KANK1: variants seen among roughly 807,000 people sequenced by gnomAD.
The protein encoded by KANK1 is KN motif and ankyrin repeat domains 1.
In KANK1, 109 loss-of-function variants were observed where a neutral mutation model predicts 106.2. That is an observed-to-expected ratio of 1.03 (90% confidence interval 0.88 to 1.20). KANK1 has a LOEUF of 1.20. Among genes scored for constraint, KANK1 ranks in the 50% most tolerant of loss-of-function variants. The pLI is 0.00. For missense variants in KANK1, 2,399 were observed against 1,710.7 expected, an observed-to-expected ratio of 1.40 and a Z score of -7.10; for synonymous variants, 873 against 652.2, an observed-to-expected ratio of 1.34 and a Z score of -5.16.
intron 1 of KANK1, among the ~76,000 whole-genome samples, chr9:576,909 C>G (rs1364210440): frequency 1.3e-5 from 2 of 152,142 alleles, no homozygotes; most frequent in African/African-American, 4.8e-5. Flanking sequence ...GTCTCACTGA[C>G]TTCAAGAATG....
Position 521,011 on chromosome 9 carries a change from CAG to C in KANK1, c.-84+16259_-84+16260del, listed in dbSNP as rs1297814115. On this transcript the variant is annotated intron_variant, in intron 1 of 11. Coordinates refer to ENST00000382297, the MANE Select transcript of KANK1 (RefSeq NM_015158.5). Reference sequence around the variant, plus strand: ...GAAGGGTAGAGATGGGGCCTTTTGACAGAAATAAAATTTATTAAGGCCTCATC... The same window carrying C: ...GAAGGGTAGAGATGGGGCCTTTTGACAAATAAAATTTATTAAGGCCTCATC... Among the ~76,000 whole-genome samples, 4 of 151,768 alleles carry C rather than the reference CAG, an allele frequency of 2.6e-5. No individual in the cohort carries two copies. The South Asian group carries it at 6.2e-4, about 24-fold the overall frequency.
chr9:662,186 CA>C (rs1377136029), intron 1 of KANK1, among the ~76,000 whole-genome samples: 1 of 152,076 alleles, frequency 6.6e-6, no homozygotes, highest in Non-Finnish European at 1.5e-5. Flanking sequence ...AGGACACAGA[CA>C]AATGGAAGAA....
At chr9:481,673 C>T (rs953482595) in intron 3 of KANK1, among the ~76,000 whole-genome samples, 2 of 152,176 alleles carry the variant, frequency 1.3e-5, no homozygotes, top group African/African-American at 2.4e-5. Flanking sequence ...GAAAGAGCCA[C>T]AGAATAGGCA....
chr9:591,335 T>C (rs1377734874), intron 1 of KANK1, among the ~76,000 whole-genome samples: 1 of 151,844 alleles, frequency 6.6e-6, no homozygotes, highest in Non-Finnish European at 1.5e-5. Flanking sequence ...AATGCCTTGG[T>C]ATTTGTTGCC....
chr9:515,319 T>C (rs2059232666), intron 1 of KANK1, among the ~76,000 whole-genome samples: 1 of 146,838 alleles, frequency 6.8e-6, no homozygotes, highest in African/African-American at 2.6e-5. Context: ...CCCTCCAGCC[T>C]GGGTGAAAGA....
chr9:673,029 G>C (rs1312594832), intron 1 of KANK1, among the ~76,000 whole-genome samples: 1 of 151,960 alleles, frequency 6.6e-6, no homozygotes, highest in Non-Finnish European at 1.5e-5. Context: ...AACCTTTTCT[G>C]GTTTATACAA....
chr9:589,149 A>G (rs554557338), intron 1 of KANK1, among the ~76,000 whole-genome samples: 1 of 152,340 alleles, frequency 6.6e-6, no homozygotes, highest in Non-Finnish European at 1.5e-5. Flanking sequence ...TTAAGCTGCC[A>G]GTGCACTTCC....
intron 1 of KANK1, chr9:540,374 A>T (rs1265148112): frequency 1.3e-5 from 2 of 152,362 alleles, no homozygotes; most frequent in East Asian, 3.9e-4. Context: ...TTTGCATCCC[A>T]GGGATAAATC....
intron 1 of KANK1, among the ~76,000 whole-genome samples, chr9:564,126 C>G (rs1817208927): frequency 6.6e-6 from 1 of 150,664 alleles, no homozygotes; most frequent in African/African-American, 2.5e-5. Flanking sequence ...GTGGCGCAAT[C>G]TCGGCTCACT....
upstream of KANK1, among the ~76,000 whole-genome samples, chr9:503,069 G>A (rs1438927678): frequency 6.8e-6 from 1 of 147,362 alleles, no homozygotes; most frequent in African/African-American, 2.6e-5. Context: ...GAACTCCTGG[G>A]GTCAACTGAT....
intron 1 of KANK1, among the ~76,000 whole-genome samples, chr9:576,574 G>C (rs117633431): frequency 6.6e-6 from 1 of 152,142 alleles, no homozygotes. Flanking sequence ...AGGCTCAGAC[G>C]TTTGCTTCGA....
At chr9:724,801 CA>C (rs200079300) in intron 3 of KANK1, among the ~76,000 whole-genome samples, 1 of 147,048 alleles carries the variant, frequency 6.8e-6, no homozygotes, top group Non-Finnish European at 1.5e-5. Flanking sequence ...GACTCAATCT[CA>C]AAAAAAACAA....
At chr9:530,851 G>A (rs1056722630) in intron 1 of KANK1, among the ~76,000 whole-genome samples, 5 of 152,092 alleles carry the variant, frequency 3.3e-5, no homozygotes, top group African/African-American at 1.2e-4. Flanking sequence ...AGCCAGACGT[G>A]GTGGGGCATG....
chr9:730,892 G>T lies in KANK1; in HGVS notation c.2897-266G>T, dbSNP rs745718569. ...ACGACATCACTTTATAAGCAGTAAA[G>T]CCGGATACAAATGTCAGTTTTCACT... is the stretch of plus-strand genomic sequence containing the variant. On this transcript the variant is annotated intron_variant, in intron 4 of 11. Coordinates refer to ENST00000382297, the MANE Select transcript of KANK1 (RefSeq NM_015158.5). The T allele has an allele frequency of 5.0e-4, 140 of 280,240 alleles. 1 individual carries two copies. Among genetic ancestry groups the T allele is most frequent in the Non-Finnish European group, 5.4e-4 (80 of 147,990 alleles). The allele number at this position is 280,240 out of a possible 1,614,324, so 17.4% of individuals were successfully genotyped here.
chr9:537,913 G>A (rs933926280), intron 1 of KANK1, among the ~76,000 whole-genome samples: 4 of 152,164 alleles, frequency 2.6e-5, no homozygotes, highest in African/African-American at 4.8e-5. Context: ...ACTATTCCTG[G>A]ATTTAATTTC....
At chr9:537,129 G>A (rs1339164808) in intron 1 of KANK1, among the ~76,000 whole-genome samples, 1 of 152,118 alleles carries the variant, frequency 6.6e-6, no homozygotes, top group Non-Finnish European at 1.5e-5. Context: ...CTTTCATAAC[G>A]GAAATACTGA....
intron 2 of KANK1, chr9:680,919 T>G (rs1031193389): frequency 2.6e-4 from 39 of 152,324 alleles, no homozygotes; most frequent in African/African-American, 8.7e-4. Context: ...TTTCATTAAT[T>G]CAAAACATTT....
At chr9:492,854 G>A (rs1292558310) in intron 3 of KANK1, among the ~76,000 whole-genome samples, 1 of 151,836 alleles carries the variant, frequency 6.6e-6, no homozygotes, top group Non-Finnish European at 1.5e-5. Context: ...GAGAAATCCT[G>A]TCTCTACTAA....
At chr9:649,440 G>C (rs1367072675) in intron 1 of KANK1, among the ~76,000 whole-genome samples, 6 of 152,284 alleles carry the variant, frequency 3.9e-5, no homozygotes, top group Non-Finnish European at 7.3e-5. Context: ...AAATTGTACA[G>C]ATGTGTGATA....
Sources: allele counts gnomAD v4.1 joint callset (sites outside exome capture counted in the v4.1 genomes callset), GRCh38; gene constraint gnomAD v4.1.1; transcripts MANE v1.5; gene names NCBI Gene and HGNC (gene_info 2026-07-23, HGNC 2026-07-21).